Variants in DDIAS observed in about 807,000 individuals in gnomAD.
The protein encoded by DDIAS is DNA damage induced apoptosis suppressor, also known as DNA damage-induced apoptosis suppressor protein.
DDIAS carries 14 observed loss-of-function variants against 15.7 expected under a neutral mutation model. That is an observed-to-expected ratio of 0.89 (90% CI 0.59 to 1.39). DDIAS has a LOEUF of 1.39. Ranked by LOEUF, DDIAS falls within the 40% of genes most tolerant of loss-of-function variation. The probability of loss-of-function intolerance (pLI) is 0.00; values close to 1 mark genes in which losing one functional copy is unlikely to be tolerated. For synonymous variants in DDIAS, 355 were observed against 395.9 expected, an observed-to-expected ratio of 0.90 and a Z score of 1.23; for missense variants, 1,035 against 1,130.9, an observed-to-expected ratio of 0.92 and a Z score of 1.22.
Position 82,901,982 on chromosome 11 carries a change from G to A in DDIAS, c.-117+160G>A, listed in dbSNP as rs142821764. Among the ~76,000 whole-genome samples the A allele has an allele frequency of 1.3e-3, 200 of 152,264 alleles. 3 individuals are homozygous for A. Among genetic ancestry groups the A allele is most frequent in the African/African-American group, 4.5e-3 (189 of 41,544 alleles). ...GCCATGAGGGTAACAGAATATAAACGTCAGTTATTTTATTTTAGACTCAGT... is the reference window on the plus strand; with the variant it reads ...GCCATGAGGGTAACAGAATATAAACATCAGTTATTTTATTTTAGACTCAGT... On this transcript the variant is annotated intron_variant, in intron 1 of 5. Transcript: ENST00000533655.
chr11:82,934,151 A>G lies in DDIAS; in HGVS notation c.2813A>G (p.Asn938Ser), dbSNP rs551863358. Residue 938 changes from asparagine to serine, a missense_variant, in exon 6 of 6, where the codon AAC becomes AGC. Physicochemically the swap from Asn to Ser is conservative, Grantham distance 46 (BLOSUM62 1). Coordinates refer to ENST00000533655, the MANE Select transcript of DDIAS (RefSeq NM_145018.4). ...VVTKKKTHKY[N>S]CKSSGWISKC... ...ACGAAAAAGAAAACTCATAAATATA[A>G]CTGTAAAAGTTCAGGCTGGATTTCC... 2 of 1,612,962 alleles carry G rather than the reference A, an allele frequency of 1.2e-6. No homozygotes were observed. Among genetic ancestry groups the G allele is most frequent in the Non-Finnish European group, 8.5e-7 (1 of 1,179,794 alleles).
At chr11:82,929,024 AAG>A (rs1860928966) in intron 4 of DDIAS, 86 bp downstream of exon 4, 1 of 1,438,002 alleles carries the variant, frequency 7.0e-7, no homozygotes, top group South Asian at 1.3e-5. Context: ...TTTTTGTAGA[AAG>A]ATAATCATTC....
chr11:82,927,757 A>G (rs1860892720), intron 3 of DDIAS, among the ~76,000 whole-genome samples: 1 of 152,258 alleles, frequency 6.6e-6, no homozygotes, highest in South Asian at 2.1e-4. Context: ...AGTTAACAGT[A>G]CAAGTGACAG....
intron 1 of DDIAS, among the ~76,000 whole-genome samples, chr11:82,905,096 T>A (rs898449196): frequency 2.0e-5 from 3 of 152,178 alleles, no homozygotes; most frequent in Non-Finnish European, 4.4e-5. Flanking sequence ...AAATTAGATA[T>A]GTACTATAGT....
chr11:82,923,133 G>T (rs1860791325), intron 3 of DDIAS, among the ~76,000 whole-genome samples: 1 of 152,196 alleles, frequency 6.6e-6, no homozygotes, highest in Non-Finnish European at 1.5e-5. Context: ...CAGAGGGTCT[G>T]TGGGTCCTCT....
At chr11:82,903,654 TA>T (rs1431873452) in intron 1 of DDIAS, among the ~76,000 whole-genome samples, 1 of 152,228 alleles carries the variant, frequency 6.6e-6, no homozygotes, top group Non-Finnish European at 1.5e-5. Flanking sequence ...GTTACTAAAT[TA>T]TTTTTTAGGG....
At chr11:82,924,216 T>C (rs1860811471) in intron 3 of DDIAS, among the ~76,000 whole-genome samples, 1 of 152,222 alleles carries the variant, frequency 6.6e-6, no homozygotes. Context: ...AGATATGTTT[T>C]TTAAAATATG....
intron 1 of DDIAS, chr11:82,909,410 T>G (rs1258669538): frequency 6.6e-6 from 1 of 152,210 alleles, no homozygotes; most frequent in Non-Finnish European, 1.5e-5. Flanking sequence ...GCCGACCTCA[T>G]ATCTTATCCT....
At chr11:82,926,986 T>C (rs1414933328) in intron 3 of DDIAS, among the ~76,000 whole-genome samples, 1 of 152,222 alleles carries the variant, frequency 6.6e-6, no homozygotes, top group Non-Finnish European at 1.5e-5. Context: ...ACTGTTATCA[T>C]ATCATAATAT....
chr11:82,903,614 C>G (rs1860370727), intron 1 of DDIAS, among the ~76,000 whole-genome samples: 1 of 152,166 alleles, frequency 6.6e-6, no homozygotes, highest in South Asian at 2.1e-4. Context: ...CTGCCTGCCT[C>G]TCTTACTTTT....
intron 4 of DDIAS, 52 bp downstream of exon 4, chr11:82,928,990 T>TA: frequency 6.4e-7 from 1 of 1,557,452 alleles, no homozygotes; most frequent in Non-Finnish European, 8.7e-7. Context: ...AATTTGAAGA[T>TA]ACAAGTTTAT....
rs773428783 is a variant in DDIAS, at chr11:82,933,481, G to A, written c.2143G>A (p.Glu715Lys). The change falls in exon 6 of 6, where the codon GAG becomes AAG. Residue 715 changes from glutamate (E) to lysine (K), a missense_variant. Physicochemically the swap from Glu to Lys is moderately conservative, Grantham distance 56. Transcript: ENST00000533655. ...ATCTTTGGCAGAAAGTCACCCTTCA[G>A]AGTCTGATTTTTCACTGAGATCACT... ...GTSLAESHPS[E>K]SDFSLRSLSE... is the part of the protein sequence containing the mutation. The A allele has an allele frequency of 2.2e-5, 36 of 1,613,894 alleles. No individual in the cohort carries two copies. The Middle Eastern group carries it at 8.2e-4, about 37-fold the overall frequency.
chr11:82,932,943 G>A lies in DDIAS; in HGVS notation c.1605G>A (p.Pro535=), dbSNP rs139413374. The A allele has an allele frequency of 2.4e-5, 38 of 1,611,454 alleles. No homozygotes were observed. The highest frequency in any genetic ancestry group is 1.1e-4 in the South Asian group (10 of 90,848). ...NGRDMSEYFL[P]NPYLSALSSS... is the part of the protein sequence containing the mutation. The stretch of plus-strand genomic sequence containing the variant: ...GAGATATGTCAGAATATTTTTTACC[G>A]AATCCTTACCTGTCAGCTCTGTCTT... The change falls in exon 6 of 6, where the codon CCG becomes CCA. Residue 535 remains proline, a synonymous_variant. Transcript: ENST00000533655.
At chr11:82,920,995 T>C (rs777041707) in intron 3 of DDIAS, among the ~76,000 whole-genome samples, 1 of 152,220 alleles carries the variant, frequency 6.6e-6, no homozygotes, top group Non-Finnish European at 1.5e-5. Context: ...TCCACTATTA[T>C]TGTGTTGCTG....
intron 3 of DDIAS, among the ~76,000 whole-genome samples, chr11:82,915,275 C>A (rs1459979068): frequency 1.3e-5 from 2 of 152,166 alleles, no homozygotes; most frequent in Non-Finnish European, 2.9e-5. Flanking sequence ...CCTTTAGCAA[C>A]TAGAAAGGTG....
chr11:82,925,453 C>T (rs1156811802), intron 3 of DDIAS, among the ~76,000 whole-genome samples: 1 of 152,050 alleles, frequency 6.6e-6, no homozygotes, highest in East Asian at 1.9e-4. Flanking sequence ...TTAAAATTAG[C>T]CACATATGGT....
intron 3 of DDIAS, among the ~76,000 whole-genome samples, chr11:82,926,944 C>T (rs1166434807): frequency 6.6e-6 from 1 of 152,072 alleles, no homozygotes; most frequent in Non-Finnish European, 1.5e-5. Flanking sequence ...ACTGTCATTG[C>T]AAGCAGTTCT....
intron 3 of DDIAS, among the ~76,000 whole-genome samples, chr11:82,916,925 CCAAATTAGCAGCGA>C (rs1433963571): frequency 9.2e-5 from 14 of 152,270 alleles, no homozygotes; most frequent in African/African-American, 3.1e-4. Flanking sequence ...CATATTACTT[CCAAATTAGCAGCGA>C]AGTTTGTATT....
intron 4 of DDIAS, 77 bp from the exon 5 acceptor site, chr11:82,930,080 A>C: frequency 2.4e-6 from 2 of 822,290 alleles, no homozygotes; most frequent in Admixed American, 2.8e-5. Context: ...TTTTCAAATT[A>C]ATTGTGTCTC....
Sources: gnomAD v4.1 joint callset for allele counts (sites outside exome capture counted in the v4.1 genomes callset) on GRCh38, gnomAD v4.1.1 for gene constraint, MANE v1.5 for transcripts, NCBI Gene and HGNC (gene_info 2026-07-23, HGNC 2026-07-21) for gene names.